Variants in RGS5 observed in about 807,000 individuals in gnomAD.
The protein encoded by RGS5 is regulator of G-protein signalling 5.
In RGS5, 20 loss-of-function variants were observed where a neutral mutation model predicts 18.9. That is an observed-to-expected ratio of 1.06 (90% CI 0.74 to 1.54). The LOEUF (loss-of-function observed/expected upper bound fraction) is 1.54. Among genes scored for constraint, RGS5 ranks in the 40% most tolerant of loss-of-function variants. RGS5 has a pLI of 0.00. For missense variants in RGS5, 201 were observed against 211.8 expected (o/e 0.95, Z 0.32); for synonymous variants, 57 against 76.2 (o/e 0.75, Z 1.31).
intron 2 of RGS5, among the ~76,000 whole-genome samples, chr1:163,233,400 A>G (rs984536445): frequency 3.3e-5 from 5 of 152,242 alleles, no homozygotes; most frequent in African/African-American, 7.2e-5. Flanking sequence ...AACTTTCCCC[A>G]AATAGCTTTC....
intron 2 of RGS5, among the ~76,000 whole-genome samples, chr1:163,290,063 AT>A (rs1476103000): frequency 2.0e-5 from 3 of 152,178 alleles, no homozygotes; most frequent in African/African-American, 7.2e-5. Context: ...TATCTTTATA[AT>A]AAAAGATTAG....
chr1:163,285,503 A>G (rs774417344), intron 2 of RGS5, among the ~76,000 whole-genome samples: 1 of 152,160 alleles, frequency 6.6e-6, no homozygotes, highest in African/African-American at 2.4e-5. Context: ...ATTGCACTCC[A>G]GTCTGGGTGA....
rs1184309000 is a variant in RGS5 at position 163,202,887 on chromosome 1, A to G, written c.-52T>C. The G allele has an allele frequency of 6.3e-7, 1 of 1,582,238 alleles. No individual in the cohort carries two copies. Among genetic ancestry groups the G allele is most frequent in the Non-Finnish European group, 8.7e-7 (1 of 1,152,472 alleles). The stretch of plus-strand genomic sequence containing the variant: ...TTTAAGTACAACTTCTTAACAGCAG[A>G]GCCAGTCTTTGAAAACTTCAAAACT... On this transcript the variant is annotated 5_prime_UTR_variant, in exon 1 of 5. Coordinates refer to ENST00000313961, the MANE Select transcript of RGS5 (RefSeq NM_003617.4).
chr1:163,171,531 GGTT>G (rs1288885202), intron 1 of RGS5, among the ~76,000 whole-genome samples: 1 of 152,170 alleles, frequency 6.6e-6, no homozygotes, highest in Non-Finnish European at 1.5e-5. Context: ...CTGTTTGGTT[GGTT>G]GTTTTGGTTT....
At chr1:163,288,341 T>C (rs1649196566) in intron 2 of RGS5, among the ~76,000 whole-genome samples, 1 of 152,200 alleles carries the variant, frequency 6.6e-6, no homozygotes. Flanking sequence ...TGTGGTATAC[T>C]GGAAAGAGCT....
intron 2 of RGS5, among the ~76,000 whole-genome samples, chr1:163,290,026 G>A (rs779804544): frequency 2.0e-5 from 3 of 151,980 alleles, no homozygotes; most frequent in Admixed American, 6.6e-5. Flanking sequence ...CACATGTACA[G>A]TAAAAAAGCA....
At chr1:163,153,063 A>T (rs1307781918) in intron 3 of RGS5, among the ~76,000 whole-genome samples, 1 of 152,210 alleles carries the variant, frequency 6.6e-6, no homozygotes, top group Non-Finnish European at 1.5e-5. Flanking sequence ...CACTATTAAC[A>T]CTAATGCCAT....
chr1:163,320,109 T>C (rs952460211), intron 1 of RGS5, among the ~76,000 whole-genome samples: 1 of 152,224 alleles, frequency 6.6e-6, no homozygotes, highest in Non-Finnish European at 1.5e-5. Flanking sequence ...TGCTCTTTTC[T>C]TCCTTTGCCT....
At chr1:163,234,524 A>C (rs1385939259) in intron 2 of RGS5, among the ~76,000 whole-genome samples, 2 of 152,212 alleles carry the variant, frequency 1.3e-5, no homozygotes, top group African/African-American at 4.8e-5. Flanking sequence ...TGCTGATATC[A>C]TAAAACTAGA....
intron 3 of RGS5, among the ~76,000 whole-genome samples, chr1:163,159,034 G>C (rs1379999000): frequency 6.6e-6 from 1 of 152,168 alleles, no homozygotes; most frequent in East Asian, 1.9e-4. Flanking sequence ...TCTCCCATTT[G>C]CTTTTGAAAG....
intron 3 of RGS5, among the ~76,000 whole-genome samples, chr1:163,153,605 T>C (rs2661278): frequency 0.56 from 84,168 of 151,362 alleles, 25,691 homozygotes; most frequent in South Asian, 0.72. Flanking sequence ...GGATAAACTT[T>C]AGTTTATAAT....
At position 163,168,257 on chromosome 1, in the gene RGS5, C is replaced by A; in HGVS notation, c.155+1G>T. 6.2e-7 allele frequency: 1 copy of A among 1,607,968 alleles called. No homozygotes were observed. ...GAGTGGAATCCATATTCATGACTCA[C>A]TTCTGGGTCTTGGCTGGTTTCTCTG... On this transcript the variant is annotated splice_donor_variant, in intron 2 of 4. Transcript: ENST00000313961. LOFTEE classifies it high-confidence loss of function.
chr1:163,287,860 T>G (rs1262531212), intron 2 of RGS5, among the ~76,000 whole-genome samples: 1 of 152,226 alleles, frequency 6.6e-6, no homozygotes, highest in Non-Finnish European at 1.5e-5. Context: ...ATTGAGTGGA[T>G]TGCCTTTATA....
rs1649745333 is a variant in RGS5 at position 163,307,785 on chromosome 1, C to A, written c.-377-1456G>T. Among the ~76,000 whole-genome samples the A allele has an allele frequency of 2.0e-5, 3 of 152,058 alleles. No individual in the cohort carries two copies. The South Asian group carries it at 6.2e-4, about 32-fold the overall frequency. ...AAGAAGTAAATTAATATTTATTGAC[C>A]ACCTTCATTGTAACACTACTTAATA... On this transcript the variant is annotated intron_variant, in intron 1 of 5. Transcript: ENST00000618415.
chr1:163,156,676 G>A (rs1194272791), intron 3 of RGS5, among the ~76,000 whole-genome samples: 1 of 152,144 alleles, frequency 6.6e-6, no homozygotes, highest in East Asian at 1.9e-4. Context: ...ATTCAGGGAA[G>A]CATTTCCTTC....
chr1:163,170,544 C>G (rs1451976471), intron 1 of RGS5, among the ~76,000 whole-genome samples: 4 of 151,924 alleles, frequency 2.6e-5, no homozygotes, highest in Non-Finnish European at 2.9e-5. Context: ...AAGTAAATGC[C>G]TAAGATTTGC....
chr1:163,224,612 C>T (rs1477571909), intron 2 of RGS5, among the ~76,000 whole-genome samples: 1 of 152,124 alleles, frequency 6.6e-6, no homozygotes, highest in Non-Finnish European at 1.5e-5. Flanking sequence ...TAAAAAGGAA[C>T]CTCCATACTG....
intron 1 of RGS5, among the ~76,000 whole-genome samples, chr1:163,208,151 T>C (rs993348744): frequency 7.9e-5 from 12 of 151,574 alleles, no homozygotes; most frequent in African/African-American, 2.9e-4. Context: ...TTAAGAAAGA[T>C]AGCCAGGCAA....
At chr1:163,272,616 G>A (rs1035109391) in intron 2 of RGS5, among the ~76,000 whole-genome samples, 3 of 151,642 alleles carry the variant, frequency 2.0e-5, no homozygotes, top group Non-Finnish European at 4.4e-5. Context: ...AGTTTTTTTT[G>A]TTGTGGTTTA....
Sources: gnomAD v4.1 joint callset for allele counts (sites outside exome capture counted in the v4.1 genomes callset) on GRCh38, gnomAD v4.1.1 for gene constraint, MANE v1.5 for transcripts, NCBI Gene and HGNC (gene_info 2026-07-23, HGNC 2026-07-21) for gene names.